Variants in WDR44 observed in about 807,000 individuals in gnomAD.
WDR44 encodes the protein WD repeat domain 44.
A neutral mutation model predicts 65.7 loss-of-function variants in WDR44; 9 were observed. The ratio of observed to expected loss-of-function variants is 0.14; its 90% CI spans 0.08 to 0.24. The LOEUF (loss-of-function observed/expected upper bound fraction) is 0.24, where lower values mean the gene tolerates loss of function less well. WDR44 is among the 10% of genes least tolerant of loss of function. WDR44 has a pLI of 1.00. For synonymous variants in WDR44, 220 were observed against 235.2 expected, an observed-to-expected ratio of 0.94 and a Z score of 0.59; for missense variants, 425 against 670.9, an observed-to-expected ratio of 0.63 and a Z score of 4.05.
At chrX:118,349,555 G>A (rs2056384042) in intron 1 of WDR44, among the ~76,000 whole-genome samples, 1 of 98,245 alleles carries the variant, frequency 1.0e-5, no homozygotes, top group Non-Finnish European at 2.0e-5. Flanking sequence ...TTACATATGA[G>A]GAACATTTTT....
Position 118,449,715 on chromosome X carries a change from G to A in WDR44, c.*728G>A, listed in dbSNP as rs1479107571. 9.0e-6 allele frequency: 1 copy of A among 111,499 alleles called. No homozygotes were observed. The highest frequency in any genetic ancestry group is 1.9e-5 in the Non-Finnish European group (1 of 53,022). 9.2% of individuals were successfully genotyped at this position (111,499 alleles called of 1,213,427 possible). A position where few individuals can be genotyped will look rare whatever the true frequency, so the allele number is the denominator to read the frequency against. On this transcript the variant is annotated 3_prime_UTR_variant, in exon 20 of 20. Transcript: ENST00000254029. Reference sequence around the variant, plus strand: ...AAAAAATTAAGCCACATTAAGGAGTGAGTCTTCTTTTTTACAATAATGTAA... The same window carrying A: ...AAAAAATTAAGCCACATTAAGGAGTAAGTCTTCTTTTTTACAATAATGTAA...
In WDR44 at chrX:118,405,620, G is replaced by A. The variant is rs542202471; in HGVS notation, c.1381+1176G>A. Among the ~76,000 whole-genome samples, 20 of 111,536 alleles carry A rather than the reference G, an allele frequency of 1.8e-4. No individual in the cohort carries two copies. The South Asian group carries it at 7.5e-3, about 42-fold the overall frequency. ...CTCTCAAAGCTCTGGGATTACAAGC[G>A]TGAGCCACCGCGCCTGGCCAGCTAT... On this transcript the variant is annotated intron_variant, in intron 9 of 19. Coordinates refer to ENST00000254029, the MANE Select transcript of WDR44 (RefSeq NM_019045.5).
At chrX:118,369,471 T>C (rs1169138135) in intron 1 of WDR44, among the ~76,000 whole-genome samples, 1 of 68,969 alleles carries the variant, frequency 1.4e-5, no homozygotes, top group Non-Finnish European at 2.6e-5. Flanking sequence ...ACGCCCGGCC[T>C]TTTTTTTTTT....
intron 1 of WDR44, among the ~76,000 whole-genome samples, chrX:118,354,575 A>G (rs1602853576): frequency 1.8e-5 from 2 of 111,713 alleles, no homozygotes; most frequent in Middle Eastern, 9.2e-3. Flanking sequence ...TCTGAGGATG[A>G]AATATAAGAT....
intron 1 of WDR44, among the ~76,000 whole-genome samples, chrX:118,353,729 C>G (rs2056434789): frequency 8.9e-6 from 1 of 112,215 alleles, no homozygotes; most frequent in African/African-American, 3.2e-5. Flanking sequence ...GAATCAATTT[C>G]CAGATCGAGG....
intron 12 of WDR44, among the ~76,000 whole-genome samples, chrX:118,420,444 G>C (rs2057094769): frequency 9.1e-6 from 1 of 109,864 alleles, no homozygotes; most frequent in South Asian, 3.9e-4. Flanking sequence ...GTAGAGATAG[G>C]GTTTCACCAT....
At chrX:118,406,834 C>T in intron 9 of WDR44, 41 bp from the exon 10 acceptor site, 1 of 1,110,356 alleles carries the variant, frequency 9.0e-7, no homozygotes, top group Non-Finnish European at 1.2e-6. Flanking sequence ...ATAGCAATAT[C>T]TACATTAGCT....
chrX:118,442,409 T>A, intron 16 of WDR44, 64 bp downstream of exon 16: 6 of 1,024,084 alleles, frequency 5.9e-6, no homozygotes, highest in Non-Finnish European at 8.1e-6. Context: ...GTTCTTAATA[T>A]CTTGGCAAAA....
intron 15 of WDR44, among the ~76,000 whole-genome samples, chrX:118,441,882 A>G (rs2057307471): frequency 9.0e-6 from 1 of 111,522 alleles, no homozygotes; most frequent in South Asian, 3.8e-4. Flanking sequence ...CTGGGACTAT[A>G]GGCACGTGCC....
At chrX:118,432,711 A>G (rs2057222407) in intron 12 of WDR44, 70 bp from the exon 13 acceptor site, 2 of 943,047 alleles carry the variant, frequency 2.1e-6, no homozygotes, top group Admixed American at 2.4e-5. Context: ...CTGAGAGAAC[A>G]GATGGGGTGG....
chrX:118,446,969 A>G (rs921830751), intron 19 of WDR44: 2 of 272,185 alleles, frequency 7.3e-6, no homozygotes, highest in African/African-American at 5.7e-5. Context: ...TCCTGTGCTC[A>G]AGCAATCTTC....
At chrX:118,379,154 C>T (rs2056691912) in intron 2 of WDR44, among the ~76,000 whole-genome samples, 1 of 110,900 alleles carries the variant, frequency 9.0e-6, no homozygotes, top group East Asian at 2.8e-4. Context: ...AAATCAATCC[C>T]AGCTTATATT....
intron 13 of WDR44, 148 bp from the exon 14 acceptor site, chrX:118,436,554 G>A (rs749561151): frequency 4.3e-6 from 3 of 702,830 alleles, no homozygotes; most frequent in Non-Finnish European, 6.7e-6. Flanking sequence ...GATCTTCCAA[G>A]TGAATTTGAT....
chrX:118,359,005 CAG>C (rs1165676162), intron 1 of WDR44, among the ~76,000 whole-genome samples: 41 of 107,820 alleles, frequency 3.8e-4, no homozygotes, highest in African/African-American at 1.4e-3. Context: ...ACCCGGGAAA[CAG>C]AGGTTGCAGT....
intron 2 of WDR44, among the ~76,000 whole-genome samples, chrX:118,382,547 CCA>C (rs746328954): frequency 1.8e-4 from 20 of 112,141 alleles, no homozygotes; most frequent in Non-Finnish European, 3.4e-4. Context: ...CTAAAAATTA[CCA>C]GTTACCTGAA....
At position 118,392,660 on chromosome X, in the gene WDR44, A is replaced by G. The variant is rs1462673566; in HGVS notation, c.215A>G (p.Gln72Arg). The G allele has an allele frequency of 8.3e-7, 1 of 1,202,988 alleles. No homozygotes were observed. The highest frequency in any genetic ancestry group is 2.2e-5 in the Admixed American group (1 of 44,573). ...ATTGAAAGTATTATTGAGGAGAGTCAGAAAGTACTACAGCTTGAAGATGAC... is the reference window on the plus strand; with the variant it reads ...ATTGAAAGTATTATTGAGGAGAGTCGGAAAGTACTACAGCTTGAAGATGAC... ...KIIESIIEESQKVLQLEDDSL... is the reference protein window; with the variant it reads ...KIIESIIEESRKVLQLEDDSL... The change falls in exon 4 of 20, where the codon CAG becomes CGG. Residue 72 changes from glutamine (Q) to arginine (R), a missense_variant. By Grantham distance (43) the Gln-to-Arg change is conservative. Transcript: ENST00000254029.
chrX:118,373,445 C>G (rs1291720635), intron 1 of WDR44, among the ~76,000 whole-genome samples: 1 of 111,599 alleles, frequency 9.0e-6, no homozygotes, highest in Non-Finnish European at 1.9e-5. Context: ...AAAGCTTCAT[C>G]TCTCTGGAAA....
At chrX:118,434,478 A>G (rs1427204004) in intron 13 of WDR44, among the ~76,000 whole-genome samples, 1 of 111,823 alleles carries the variant, frequency 8.9e-6, no homozygotes, top group Admixed American at 9.5e-5. Flanking sequence ...ATTTTATATG[A>G]CTTTTATTTT....
At chrX:118,379,123 A>G (rs986313589) in intron 2 of WDR44, among the ~76,000 whole-genome samples, 1 of 110,731 alleles carries the variant, frequency 9.0e-6, no homozygotes, top group African/African-American at 3.3e-5. Flanking sequence ...TTGTGGGCCC[A>G]TGTACCATCA....
Sources: gnomAD v4.1 joint callset for allele counts (sites outside exome capture counted in the v4.1 genomes callset) on GRCh38, gnomAD v4.1.1 for gene constraint, MANE v1.5 for transcripts, NCBI Gene and HGNC (gene_info 2026-07-23, HGNC 2026-07-21) for gene names.